The following DYRK1B variants were observed in gnomAD, a reference collection of about 807,000 sequenced individuals.
DYRK1B encodes the protein dual specificity tyrosine phosphorylation regulated kinase 1B, also known as dual specificity tyrosine-phosphorylation-regulated kinase 1B.
Under a neutral mutation model 57.1 loss-of-function variants are expected in DYRK1B, and 20 were observed. The ratio of observed to expected loss-of-function variants is 0.35; its 90% CI spans 0.25 to 0.51. The LOEUF is 0.51. DYRK1B is among the 20% of genes least tolerant of loss of function. The pLI is 0.96. For synonymous variants in DYRK1B, 409 were observed against 384.7 expected, an observed-to-expected ratio of 1.06 and a Z score of -0.74; for missense variants, 732 against 886.3, an observed-to-expected ratio of 0.83 and a Z score of 2.21.
intron 1 of DYRK1B, among the ~76,000 whole-genome samples, 171 bp from the exon 2 acceptor site, chr19:39,832,139 G>GT (rs1968850150): frequency 2.4e-5 from 1 of 42,328 alleles, no homozygotes; most frequent in African/African-American, 2.0e-4. Context: ...GTAGCCAGGT[G>GT]GGGGGGGATG....
At chr19:39,833,318 C>T (rs953381420) in intron 1 of DYRK1B, 4 of 985,434 alleles carry the variant, frequency 4.1e-6, no homozygotes, top group Non-Finnish European at 4.8e-6. Flanking sequence ...CGGTGGGGCC[C>T]CCAGTGGGGT....
intron 7 of DYRK1B, 40 bp downstream of exon 7, chr19:39,827,470 A>G: frequency 1.2e-6 from 2 of 1,609,342 alleles, no homozygotes; most frequent in Non-Finnish European, 1.7e-6. Context: ...GCCAGGCTCC[A>G]CCCCCTCCAC....
intron 5 of DYRK1B, chr19:39,829,611 CT>C: frequency 2.7e-6 from 1 of 365,704 alleles, no homozygotes. Flanking sequence ...TGCCCTTCCC[CT>C]TATGGGCTGT....
chr19:39,832,078 A>C, intron 1 of DYRK1B, 110 bp from the exon 2 acceptor site: 4 of 1,232,782 alleles, frequency 3.2e-6, no homozygotes, highest in Non-Finnish European at 4.2e-6. Flanking sequence ...AGAAGAGGAA[A>C]AGGGCACAAC....
Position 39,826,036 on chromosome 19 carries a change from G to T in DYRK1B, c.1569C>A (p.His523Gln). The T allele has an allele frequency of 1.3e-6, 2 of 1,520,636 alleles. No homozygotes were observed. The highest frequency in any genetic ancestry group is 1.8e-6 in the Non-Finnish European group (2 of 1,137,428). The allele number at this position is 1,520,636 out of a possible 1,614,324, so 94.2% of individuals were successfully genotyped here. Residue 523 changes from histidine to glutamine, a missense_variant, in exon 11 of 11, where the codon CAC (histidine) becomes CAA (glutamine). By Grantham distance (24) the His-to-Gln change is conservative. Around this residue, in one of 2 missense-constraint regions of DYRK1B, gnomAD observed 222 missense variants for 205.0 expected, o/e 1.08. Coordinates refer to ENST00000323039, the MANE Select transcript of DYRK1B (RefSeq NM_004714.3). This position sits in a 1 kb window ranked among gnomAD's most constrained non-coding sequence, Gnocchi z 6.3. ...CAGAGGCAGGGGCTTGATGTGTCTT[G>T]TGGGGCACATCACCCCCTGCCCAGG... Reference protein sequence around the residue: ...LRPWAGGDVPHKTHQAPASAS... With the variant: ...LRPWAGGDVPQKTHQAPASAS...
At chr19:39,827,014 G>GGGGGGGGGGGGGGCC in intron 8 of DYRK1B, 27 bp from the exon 9 acceptor site, 4 of 419,594 alleles carry the variant, frequency 9.5e-6, no homozygotes, top group Non-Finnish European at 1.7e-5. Context: ...GGGAGGGGGG[G>GGGGGGGGGGGGGGCC]CAAGAGAGTG....
chr19:39,830,628 C>T (rs763767264), intron 3 of DYRK1B, 36 bp downstream of exon 3: 6 of 1,612,754 alleles, frequency 3.7e-6, no homozygotes, highest in Middle Eastern at 1.7e-4. Flanking sequence ...ACAAGACCCT[C>T]GGCACCCAGC....
At position 39,825,537 on chromosome 19, in the gene DYRK1B, G is replaced by T; in HGVS notation, c.*178C>A. On this transcript the variant is annotated 3_prime_UTR_variant, in exon 11 of 11. Transcript: ENST00000323039. ...CCAAGGGTCCAGTCCTTAGTGGGGA[G>T]GGAGCGGCCAAAACCCTCTCCTTGA... The T allele has an allele frequency of 1.6e-6, 1 of 625,458 alleles. No homozygotes were observed. Among genetic ancestry groups the T allele is most frequent in the Non-Finnish European group, 2.8e-6 (1 of 361,770 alleles). 38.7% of individuals were successfully genotyped at this position (625,458 alleles called of 1,614,324 possible). A position where few individuals can be genotyped will look rare whatever the true frequency, so the allele number is the denominator to read the frequency against.
chr19:39,830,931 T>A, intron 2 of DYRK1B, 148 bp from the exon 3 acceptor site: 1 of 944,292 alleles, frequency 1.1e-6, no homozygotes, highest in Non-Finnish European at 1.5e-6. Flanking sequence ...CCCCCAGGGC[T>A]GAGACTTTCT....
Position 39,826,834 on chromosome 19 carries a change from C to T in DYRK1B, c.1249G>A (p.Ala417Thr), listed in dbSNP as rs1194260233. Residue 417 changes from alanine to threonine, a missense_variant, in exon 9 of 11, where the codon GCC becomes ACC. Physicochemically the swap from Ala to Thr is moderately conservative, Grantham distance 58. Transcript: ENST00000323039. This position sits in a 1 kb window ranked among gnomAD's most constrained non-coding sequence, Gnocchi z 6.3. ...LVLRMLEYEP[A>T]ARISPLGALQ... ...GCCCCCAGGGGGCTGATGCGGGCGG[C>T]GGGCTCATACTCCAGCATGCGCAGC... The T allele has an allele frequency of 1.4e-5, 21 of 1,484,864 alleles. 1 individual carries two copies. The highest frequency in any genetic ancestry group is 2.8e-5 in the African/African-American group (2 of 70,560). 92.0% of individuals were successfully genotyped at this position (1,484,864 alleles called of 1,614,324 possible). A position where few individuals can be genotyped will look rare whatever the true frequency, so the allele number is the denominator to read the frequency against.
intron 4 of DYRK1B, 54 bp from the exon 5 acceptor site, chr19:39,830,081 GC>G: frequency 6.3e-7 from 1 of 1,591,352 alleles, no homozygotes; most frequent in Non-Finnish European, 8.6e-7. Flanking sequence ...GCAGAGCCAG[GC>G]ACCATTCTTC....
At chr19:39,827,181 G>A in intron 8 of DYRK1B, 104 bp downstream of exon 8, 2 of 1,423,290 alleles carry the variant, frequency 1.4e-6, no homozygotes, top group Non-Finnish European at 1.9e-6. Flanking sequence ...AAGGGGGAGT[G>A]GAAGGAAGGG....
chr19:39,833,111 C>T, intron 1 of DYRK1B: 1 of 985,412 alleles, frequency 1.0e-6, no homozygotes, highest in Non-Finnish European at 1.2e-6. Flanking sequence ...AATCTTCTCC[C>T]CATGGGCCAC....
In DYRK1B at chr19:39,827,624, G is replaced by A; in HGVS notation, c.840C>T (p.Arg280=). The A allele has an allele frequency of 6.2e-7, 1 of 1,614,080 alleles. No individual in the cohort carries two copies. The change falls in exon 7 of 11, where the codon CGC becomes CGT. Residue 280 remains arginine (R), a synonymous_variant. Transcript: ENST00000323039. ...GTGTGCCCAGGAGCACCTCAGGTGA[G>A]CGGTAGAAGCGGCTCTGGATATACT... The part of the protein sequence containing the change: ...IYQYIQSRFY[R]SPEVLLGTPY...
chr19:39,832,576 A>G (rs887584810), intron 1 of DYRK1B, among the ~76,000 whole-genome samples: 6 of 152,066 alleles, frequency 3.9e-5, no homozygotes, highest in African/African-American at 7.3e-5. Flanking sequence ...CTAAAACCAC[A>G]TCAGCGTCCT....
Position 39,826,338 on chromosome 19 carries a change from C to T in DYRK1B, c.1412-52G>A, listed in dbSNP as rs1185353969. ...AGGGGCATAAGGTGAGAGAAGGTGGCGAGTGGGTTTTGGGATGGCTGAGGG... is the reference window on the plus strand; with the variant it reads ...AGGGGCATAAGGTGAGAGAAGGTGGTGAGTGGGTTTTGGGATGGCTGAGGG... On this transcript the variant is annotated intron_variant, in intron 9 of 10. Transcript: ENST00000323039. This position sits in a 1 kb window ranked among gnomAD's most constrained non-coding sequence, Gnocchi z 6.3. The T allele has an allele frequency of 8.3e-6, 12 of 1,444,634 alleles. No homozygotes were observed. Among genetic ancestry groups the T allele is most frequent in the Middle Eastern group, 1.8e-4 (1 of 5,454 alleles). 89.5% of individuals were successfully genotyped at this position (1,444,634 alleles called of 1,614,324 possible).
intron 1 of DYRK1B, among the ~76,000 whole-genome samples, chr19:39,832,782 T>G (rs1383303718): frequency 6.6e-6 from 1 of 152,016 alleles, no homozygotes; most frequent in African/African-American, 2.4e-5. Context: ...CATATCCCAA[T>G]TCCCCCTACC....
Position 39,828,800 on chromosome 19 carries a change from GAA to G in DYRK1B, c.521-219_521-218del, listed in dbSNP as rs1374140726. Among the ~76,000 whole-genome samples, 2 of 152,158 alleles carry G rather than the reference GAA, an allele frequency of 1.3e-5. No homozygotes were observed. The highest frequency in any genetic ancestry group is 4.8e-5 in the African/African-American group (2 of 41,424). ...TCAAACCCTCCAATTAAACCAAAGA[GAA>G]AGTTTCATTAGTTACTACTAGCTCT... On this transcript the variant is annotated intron_variant, in intron 5 of 10. Coordinates refer to ENST00000323039, the MANE Select transcript of DYRK1B (RefSeq NM_004714.3). This position sits in a 1 kb window ranked among gnomAD's most constrained non-coding sequence, Gnocchi z 4.3.
intron 1 of DYRK1B, chr19:39,832,901 C>A: frequency 1.0e-6 from 1 of 984,670 alleles, no homozygotes; most frequent in Non-Finnish European, 1.2e-6. Context: ...GAGTGATCAT[C>A]CTTTTCTCCC....
Sources: gnomAD v4.1 joint callset for allele counts (sites outside exome capture counted in the v4.1 genomes callset) on GRCh38, gnomAD v4.1.1 for gene constraint, gnomAD v4.1.1 regional missense constraint, Gnocchi (gnomAD v3.1) non-coding constraint, MANE v1.5 for transcripts, NCBI Gene and HGNC (gene_info 2026-07-23, HGNC 2026-07-21) for gene names.